The following SV2B variants were observed in gnomAD, a reference collection of about 807,000 sequenced individuals.
SV2B encodes the protein solute carrier family 22 member B2.
Under a neutral mutation model 73.9 loss-of-function variants are expected in SV2B, and 41 were observed. The observed-to-expected ratio is 0.56, with a 90% CI of 0.43 to 0.72. The LOEUF (loss-of-function observed/expected upper bound fraction) is 0.72. Ranked by LOEUF, SV2B falls within the 30% of genes least tolerant of loss-of-function variation. The pLI is 0.00. For missense variants in SV2B, 764 were observed against 857.8 expected (o/e 0.89, Z 1.37); for synonymous variants, 314 against 314.2 (o/e 1.00, Z 0.01).
At chr15:91,192,668 G>A (rs1289748662) in intron 1 of SV2B, among the ~76,000 whole-genome samples, 5 of 152,212 alleles carry the variant, frequency 3.3e-5, no homozygotes, top group Non-Finnish European at 2.9e-5. Flanking sequence ...GGATGGAGAA[G>A]AAAAGGGGAA....
chr15:91,228,208 A>T (rs1441790520), intron 2 of SV2B, among the ~76,000 whole-genome samples: 1 of 152,222 alleles, frequency 6.6e-6, no homozygotes, highest in Non-Finnish European at 1.5e-5. Context: ...ACTGTGTCAG[A>T]TATAACCCTG....
At chr15:91,131,147 G>GTTTTTTT (rs56130189) in intron 1 of SV2B, among the ~76,000 whole-genome samples, 2 of 118,052 alleles carry the variant, frequency 1.7e-5, no homozygotes, top group African/African-American at 3.2e-5. Context: ...ATGTTTTCTT[G>GTTTTTTT]TTTTTTTTTT....
rs531661819 is a variant in SV2B at position 91,124,580 on chromosome 15, A to G, written c.-392+24217A>G. Among the ~76,000 whole-genome samples, 4 of 152,294 alleles carry G rather than the reference A, an allele frequency of 2.6e-5. No individual in the cohort carries two copies. In the South Asian group the frequency reaches 8.3e-4, roughly 32 times the overall value. On this transcript the variant is annotated intron_variant, in intron 1 of 12. Coordinates refer to ENST00000394232, the MANE Select transcript of SV2B (RefSeq NM_001323032.3). This position sits in a 1 kb window ranked among gnomAD's most constrained non-coding sequence, Gnocchi z 4.6. Reference sequence around the variant, plus strand: ...AAATACTTCTTCTCAAAAGAAGACTATTCATTTGCTGGGGCTGCTATAACA... The same window carrying G: ...AAATACTTCTTCTCAAAAGAAGACTGTTCATTTGCTGGGGCTGCTATAACA...
chr15:91,121,161 TTAAGG>T lies in SV2B; in HGVS notation c.-392+20804_-392+20808del, dbSNP rs2042324731. Among the ~76,000 whole-genome samples, 2 of 152,184 alleles carry T rather than the reference TTAAGG, an allele frequency of 1.3e-5. No homozygotes were observed. The highest frequency in any genetic ancestry group is 4.1e-4 in the South Asian group (2 of 4,826). ...TTTTTCTCTTTGAAATAAAAAAGTG[TTAAGG>T]TAAGGCTAACTTTGCTTGAAGTTTA... On this transcript the variant is annotated intron_variant, in intron 1 of 12. Coordinates refer to ENST00000394232, the MANE Select transcript of SV2B (RefSeq NM_001323032.3). The surrounding 1 kb of genome is among the most constrained non-coding windows in gnomAD (Gnocchi z 4.4).
At chr15:91,218,170 T>C (rs1273776563) in intron 1 of SV2B, among the ~76,000 whole-genome samples, 1 of 152,172 alleles carries the variant, frequency 6.6e-6, no homozygotes, top group Non-Finnish European at 1.5e-5. Flanking sequence ...GAGAACTGTT[T>C]ATTGTTCTGG....
At chr15:91,167,674 T>C (rs2043963238) in intron 1 of SV2B, among the ~76,000 whole-genome samples, 1 of 152,246 alleles carries the variant, frequency 6.6e-6, no homozygotes, top group Non-Finnish European at 1.5e-5. Flanking sequence ...CTCAACACTC[T>C]TAACTTCATT....
intron 1 of SV2B, among the ~76,000 whole-genome samples, chr15:91,134,195 A>C (rs2042746081): frequency 6.6e-6 from 1 of 151,674 alleles, no homozygotes; most frequent in African/African-American, 2.4e-5. Context: ...GATGGGTTTC[A>C]CCATGTTGGC....
chr15:91,230,905 A>G (rs1386888514), intron 2 of SV2B, among the ~76,000 whole-genome samples: 1 of 152,194 alleles, frequency 6.6e-6, no homozygotes, highest in Admixed American at 6.5e-5. Flanking sequence ...AAGGAAACAA[A>G]GACAGTGTGA....
intron 11 of SV2B, among the ~76,000 whole-genome samples, chr15:91,286,705 C>T (rs559185976): frequency 3.0e-4 from 46 of 152,082 alleles, no homozygotes; most frequent in African/African-American, 9.9e-4. Context: ...ATGAGGTAGG[C>T]GCCATTTTAA....
chr15:91,236,898 C>G lies in SV2B; in HGVS notation c.451+10184C>G, dbSNP rs1051700451. ...GCATCTCTCTCTATCTCCATACGATCTTTAAATGTGATCTTTCCAACATGG... is the reference window on the plus strand; with the variant it reads ...GCATCTCTCTCTATCTCCATACGATGTTTAAATGTGATCTTTCCAACATGG... On this transcript the variant is annotated intron_variant, in intron 2 of 12. Transcript: ENST00000394232. The surrounding 1 kb of genome is among the most constrained non-coding windows in gnomAD (Gnocchi z 4.1). Among the ~76,000 whole-genome samples the G allele has an allele frequency of 2.0e-5, 3 of 151,974 alleles. No individual in the cohort carries two copies. The highest frequency in any genetic ancestry group is 4.4e-5 in the Non-Finnish European group (3 of 68,008).
rs562650275 is a variant in SV2B, at chr15:91,130,900, G to A, written c.-392+30537G>A. On this transcript the variant is annotated intron_variant, in intron 1 of 12. Transcript: ENST00000394232. The surrounding 1 kb of genome is among the most constrained non-coding windows in gnomAD (Gnocchi z 5.6). ...GTAAAAAATGAGAGTGTGAGGAGAA[G>A]GAACTTGAAGATGCAAAAGGAGGAG... is the stretch of plus-strand genomic sequence containing the variant. 1.3e-5 allele frequency among the ~76,000 whole-genome samples: 2 copies of A among 151,928 alleles called. No homozygotes were observed. Among genetic ancestry groups the A allele is most frequent in the Non-Finnish European group, 2.9e-5 (2 of 67,988 alleles).
At chr15:91,198,768 T>C (rs1042961936) in intron 1 of SV2B, among the ~76,000 whole-genome samples, 3 of 152,146 alleles carry the variant, frequency 2.0e-5, no homozygotes, top group Non-Finnish European at 4.4e-5. Flanking sequence ...GAGACCTTAA[T>C]GATAATTGTT....
rs1270397091 is a variant in SV2B, at chr15:91,261,357, T to C, written c.1008+948T>C. On this transcript the variant is annotated intron_variant, in intron 6 of 12. Transcript: ENST00000394232. The surrounding 1 kb of genome is among the most constrained non-coding windows in gnomAD (Gnocchi z 4.7). ...ATATTATTTAATAGTATAGCACTCATTATTGTTTTATATGCTGTCTCCTAG... is the reference window on the plus strand; with the variant it reads ...ATATTATTTAATAGTATAGCACTCACTATTGTTTTATATGCTGTCTCCTAG... Among the ~76,000 whole-genome samples the C allele has an allele frequency of 1.3e-5, 2 of 152,208 alleles. No homozygotes were observed. Among genetic ancestry groups the C allele is most frequent in the African/African-American group, 4.8e-5 (2 of 41,472 alleles).
chr15:91,284,201 T>C lies in SV2B; in HGVS notation c.1688T>C (p.Ile563Thr), dbSNP rs760150371. ...ATTTCTGCCCTGCTCATGGATAGAA[T>C]TGGAAGGCTCAAGATGATTGGTGAG... Reference protein sequence around the residue: ...NIISALLMDRIGRLKMIGGSM... With the variant: ...NIISALLMDRTGRLKMIGGSM... Residue 563 changes from isoleucine to threonine, a missense_variant, in exon 11 of 13, where the codon ATT becomes ACT. Ile to Thr is a moderately conservative substitution (Grantham distance 89). Coordinates refer to ENST00000394232, the MANE Select transcript of SV2B (RefSeq NM_001323032.3). The surrounding 1 kb of genome is among the most constrained non-coding windows in gnomAD (Gnocchi z 4.5). The C allele has an allele frequency of 4.3e-6, 7 of 1,614,164 alleles. No individual in the cohort carries two copies. Among genetic ancestry groups the C allele is most frequent in the Non-Finnish European group, 5.1e-6 (6 of 1,180,012 alleles).
In SV2B at chr15:91,229,772, T is replaced by C. The variant is rs2046505143; in HGVS notation, c.451+3058T>C. Among the ~76,000 whole-genome samples, 1 of 152,236 alleles carries C rather than the reference T, an allele frequency of 6.6e-6. No individual in the cohort carries two copies. The highest frequency in any genetic ancestry group is 2.1e-4 in the South Asian group (1 of 4,830). On this transcript the variant is annotated intron_variant, in intron 2 of 12. Coordinates refer to ENST00000394232, the MANE Select transcript of SV2B (RefSeq NM_001323032.3). The surrounding 1 kb of genome is among the most constrained non-coding windows in gnomAD (Gnocchi z 4.3). ...TGTTCTTATTACTAAACTGATTGCT[T>C]GATAATGACTCAGGAACAGATTTTC...
chr15:91,258,521 G>T lies in SV2B; in HGVS notation c.885G>T (p.Lys295Asn). Residue 295 changes from lysine (K) to asparagine (N), a missense_variant, in exon 5 of 13, where the codon AAG becomes AAT. Lys to Asn is a moderately conservative substitution (Grantham distance 94). Coordinates refer to ENST00000394232, the MANE Select transcript of SV2B (RefSeq NM_001323032.3). This position sits in a 1 kb window ranked among gnomAD's most constrained non-coding sequence, Gnocchi z 4.7. Reference sequence around the variant, plus strand: ...GCACCGTGTCCATGGTGGCCCTGAAGTTCATGCCAGAGAGCCCAAGGTTTC... The same window carrying T: ...GCACCGTGTCCATGGTGGCCCTGAATTTCATGCCAGAGAGCCCAAGGTTTC... ...LPCTVSMVALKFMPESPRFLL... is the reference protein window; with the variant it reads ...LPCTVSMVALNFMPESPRFLL... 1 of 1,614,132 alleles carries T rather than the reference G, an allele frequency of 6.2e-7. No individual in the cohort carries two copies. The highest frequency in any genetic ancestry group is 8.5e-7 in the Non-Finnish European group (1 of 1,179,980).
At chr15:91,160,289 G>T (rs2892182) in intron 1 of SV2B, among the ~76,000 whole-genome samples, 59,483 of 151,992 alleles carry the variant, frequency 0.39, 12,135 homozygotes, top group East Asian at 0.7. Flanking sequence ...GAAGAATAAC[G>T]AAATGATAAT....
chr15:91,221,693 G>GCGCGCGCGCGCACACACACA (rs370290337), intron 1 of SV2B, among the ~76,000 whole-genome samples: 118 of 140,160 alleles, frequency 8.4e-4, no homozygotes, highest in African/African-American at 3.2e-3. Flanking sequence ...AAGCATGTGC[G>GCGCGCGCGCGCACACACACA]CACACACACA....
chr15:91,125,082 C>G (rs76490697), intron 1 of SV2B, among the ~76,000 whole-genome samples: 10,532 of 152,208 alleles, frequency 0.069, 430 homozygotes, highest in South Asian at 0.11. Context: ...TTCACATAGC[C>G]TTCCCTTGGT....
Sources: gnomAD v4.1 joint callset for allele counts (sites outside exome capture counted in the v4.1 genomes callset) on GRCh38, gnomAD v4.1.1 for gene constraint, Gnocchi (gnomAD v3.1) non-coding constraint, MANE v1.5 for transcripts, NCBI Gene and HGNC (gene_info 2026-07-23, HGNC 2026-07-21) for gene names.